The following COL17A1 variants were observed in gnomAD, a reference collection of about 807,000 sequenced individuals.
COL17A1 encodes collagen type XVII alpha 1 chain.
A neutral mutation model predicts 218.4 loss-of-function variants in COL17A1; 181 were observed. The observed-to-expected ratio is 0.83, with a 90% CI of 0.73 to 0.94. The LOEUF is 0.94. COL17A1 is among the 40% of genes least tolerant of loss of function. The pLI is 0.00. For missense variants in COL17A1, 1,924 were observed against 1,945.9 expected (o/e 0.99, Z 0.21); for synonymous variants, 721 against 731.0 (o/e 0.99, Z 0.22).
chr10:104,032,594 A>G (rs1036686881), intron 55 of COL17A1, 80 bp downstream of exon 55: 3 of 1,452,082 alleles, frequency 2.1e-6, no homozygotes, highest in Non-Finnish European at 2.9e-6. Context: ...CTTGCTCTGG[A>G]ACAAATCACC....
chr10:104,047,788 C>T lies in COL17A1; in HGVS notation c.2286G>A (p.Met762Ile), dbSNP rs768837401. 5.6e-6 allele frequency: 9 copies of T among 1,614,084 alleles called. 1 individual carries two copies. In the South Asian group the frequency reaches 8.8e-5, roughly 16 times the overall value. Residue 762 changes from methionine to isoleucine, a missense_variant, in exon 31 of 56, where the codon ATG becomes ATA. Coordinates refer to ENST00000648076, the MANE Select transcript of COL17A1 (RefSeq NM_000494.4). Reference protein sequence around the residue: ...GPRGEQGLTGMPGIRGPPGPS... With the variant: ...GPRGEQGLTGIPGIRGPPGPS... ...GTCCTGGTGGGCCACGGATTCCAGG[C>T]ATCCCAGTAAGACCTTGTTCACCTA...
intron 16 of COL17A1, among the ~76,000 whole-genome samples, chr10:104,057,807 C>T (rs958097134): frequency 6.6e-6 from 1 of 152,128 alleles, no homozygotes; most frequent in East Asian, 1.9e-4. Context: ...TGGAGGCGTG[C>T]ATGGCTTAGT....
intron 1 of COL17A1, among the ~76,000 whole-genome samples, chr10:104,082,592 A>G (rs1457207052): frequency 1.3e-5 from 2 of 152,174 alleles, no homozygotes; most frequent in South Asian, 2.1e-4. Context: ...GGAAACTTTT[A>G]CTTCCTACAA....
intron 53 of COL17A1, 94 bp downstream of exon 53, chr10:104,033,144 C>T: frequency 6.5e-7 from 1 of 1,538,362 alleles, no homozygotes; most frequent in Non-Finnish European, 8.8e-7. Flanking sequence ...ATGTTAATAA[C>T]TGGAGATTTC....
chr10:104,041,222 G>C (rs915163375), intron 38 of COL17A1, 81 bp downstream of exon 38: 2 of 1,607,098 alleles, frequency 1.2e-6, no homozygotes, highest in African/African-American at 1.3e-5. Flanking sequence ...AGCCAGCCCA[G>C]AGGGCCCTGG....
At chr10:104,046,272 A>G (rs540053181) in intron 32 of COL17A1, among the ~76,000 whole-genome samples, 120 of 152,272 alleles carry the variant, frequency 7.9e-4, no homozygotes, top group African/African-American at 2.8e-3. Context: ...AATTTCTTTC[A>G]GGAAATTAGG....
At position 104,049,448 on chromosome 10, in the gene COL17A1, G is replaced by A; in HGVS notation, c.2188C>T (p.Pro730Ser). 1 of 1,614,186 alleles carries A rather than the reference G, an allele frequency of 6.2e-7. No individual in the cohort carries two copies. The highest frequency in any genetic ancestry group is 1.1e-5 in the South Asian group (1 of 91,088). Residue 730 changes from proline (P) to serine (S), a missense_variant, in exon 29 of 56, where the codon CCT becomes TCT. By Grantham distance (74) the Pro-to-Ser change is moderately conservative. Transcript: ENST00000648076. The stretch of plus-strand genomic sequence containing the variant: ...GCCCCGGGCTCACCAACAGCACCAG[G>A]CAAACCTCTCATGCCAGGCTCGCCT... ...LTGEPGMRGLPGAVGEPGAKG... is the reference protein window; with the variant it reads ...LTGEPGMRGLSGAVGEPGAKG...
Position 104,032,112 on chromosome 10 carries a change from A to G in COL17A1, c.*123T>C, listed in dbSNP as rs1029949829. The G allele has an allele frequency of 2.8e-5, 21 of 743,846 alleles. No homozygotes were observed. In the East Asian group the frequency reaches 4.7e-4, roughly 17 times the overall value. 46.1% of individuals were successfully genotyped at this position (743,846 alleles called of 1,614,324 possible). The stretch of plus-strand genomic sequence containing the variant: ...CAGACTAAAACAAATGTTGCTAGCT[A>G]GGTTGGCTGTGCTGTCTCAGTAGGA... On this transcript the variant is annotated 3_prime_UTR_variant, in exon 56 of 56. Transcript: ENST00000648076.
At chr10:104,076,487 G>C in intron 4 of COL17A1, 58 bp from the exon 5 acceptor site, 1 of 1,610,518 alleles carries the variant, frequency 6.2e-7, no homozygotes, top group East Asian at 2.2e-5. Flanking sequence ...GAACCAAATG[G>C]CTACTGTGAC....
At chr10:104,061,580 G>A (rs1044367533) in intron 12 of COL17A1, 107 bp from the exon 13 acceptor site, 15 of 874,056 alleles carry the variant, frequency 1.7e-5, no homozygotes, top group Non-Finnish European at 2.8e-5. Flanking sequence ...CCAGTGAGAA[G>A]CAGATGATGA....
At chr10:104,050,331 T>G (rs896452286) in intron 27 of COL17A1, among the ~76,000 whole-genome samples, 1 of 152,102 alleles carries the variant, frequency 6.6e-6, no homozygotes, top group Non-Finnish European at 1.5e-5. Context: ...ACAAACTGAC[T>G]CCCCAGCCCC....
At chr10:104,041,639 G>T (rs2086361075) in intron 36 of COL17A1, 101 bp from the exon 37 acceptor site, 1 of 1,004,924 alleles carries the variant, frequency 1.0e-6, no homozygotes, top group East Asian at 2.5e-5. Flanking sequence ...GGCACTCCAG[G>T]CTACCCTCAC....
chr10:104,060,409 G>A, intron 13 of COL17A1, 129 bp from the exon 14 acceptor site: 1 of 1,356,376 alleles, frequency 7.4e-7, no homozygotes, highest in Non-Finnish European at 1.0e-6. Flanking sequence ...GTGTATGAGG[G>A]TCTCTTGTTC....
intron 2 of COL17A1, among the ~76,000 whole-genome samples, chr10:104,079,884 G>A (rs1023846797): frequency 1.6e-4 from 24 of 145,650 alleles, no homozygotes; most frequent in Admixed American, 5.7e-4. Flanking sequence ...CCAAGATTAC[G>A]CCACTGCACT....
intron 51 of COL17A1, 132 bp from the exon 52 acceptor site, chr10:104,034,466 G>A (rs970609396): frequency 4.5e-5 from 66 of 1,474,232 alleles, no homozygotes; most frequent in Non-Finnish European, 5.8e-5. Context: ...TCTTGTACCC[G>A]AGTGGGAGAA....
Position 104,042,357 on chromosome 10 carries a change from C to T in COL17A1, c.2551+63G>A, listed in dbSNP as rs376540035. ...TCTAGAACAGAGAGGCCCATGTCCACCCTGAGAGGAAAGTCCTCCCGACTG... is the reference window on the plus strand; with the variant it reads ...TCTAGAACAGAGAGGCCCATGTCCATCCTGAGAGGAAAGTCCTCCCGACTG... On this transcript the variant is annotated intron_variant, in intron 36 of 55. Transcript: ENST00000648076. The T allele has an allele frequency of 2.6e-5, 41 of 1,562,660 alleles. 1 individual carries two copies. The highest frequency in any genetic ancestry group is 3.5e-4 in the Middle Eastern group (2 of 5,642).
At position 104,072,059 on chromosome 10, in the gene COL17A1, G is replaced by C. The variant is rs746177140; in HGVS notation, c.436C>G (p.Leu146Val). The stretch of plus-strand genomic sequence containing the variant: ...CGGGTGGATGGGGACGCACTCTGCA[G>C]TCGAACTCGAATTTCACTCTCTGTA... ...QTRESEIRVR[L>V]QSASPSTRWT... Residue 146 changes from leucine (L) to valine (V), a missense_variant, in exon 8 of 56, where the codon CTG becomes GTG. Transcript: ENST00000648076. The C allele has an allele frequency of 1.2e-6, 2 of 1,614,062 alleles. No individual in the cohort carries two copies. Among genetic ancestry groups the C allele is most frequent in the African/African-American group, 2.7e-5 (2 of 74,914 alleles).
intron 43 of COL17A1, 44 bp downstream of exon 43, chr10:104,039,401 C>T (rs374965479): frequency 6.3e-7 from 1 of 1,597,660 alleles, no homozygotes; most frequent in Non-Finnish European, 8.6e-7. Flanking sequence ...GGGCACCAGG[C>T]TCACCCCTAC....
At position 104,038,546 on chromosome 10, in the gene COL17A1, C is replaced by A; in HGVS notation, c.2948-18G>T. On this transcript the variant is annotated intron_variant, in intron 44 of 55. Transcript: ENST00000648076. The stretch of plus-strand genomic sequence containing the variant: ...TGATCCCCCTGCAGCAAAGAGAAAG[C>A]GTCCTGTGTCGGTTTCTCCACCCTA... 1.2e-6 allele frequency: 2 copies of A among 1,608,366 alleles called. No individual in the cohort carries two copies.
Sources: allele counts gnomAD v4.1 joint callset (sites outside exome capture counted in the v4.1 genomes callset), GRCh38; gene constraint gnomAD v4.1.1; transcripts MANE v1.5; gene names NCBI Gene and HGNC (gene_info 2026-07-23, HGNC 2026-07-21).